Variants in ST8SIA1 observed in about 807,000 individuals in gnomAD.
ST8SIA1 encodes the protein ST8 alpha-N-acetyl-neuraminide alpha-2,8-sialyltransferase 1, also known as alpha-N-acetylneuraminide alpha-2,8-sialyltransferase.
Under a neutral mutation model 35.9 loss-of-function variants are expected in ST8SIA1, and 16 were observed. The ratio of observed to expected loss-of-function variants is 0.45; its 90% CI spans 0.30 to 0.68. The LOEUF is 0.68. ST8SIA1 is among the 30% of genes least tolerant of loss of function. The pLI is 0.09. For synonymous variants in ST8SIA1, 170 were observed against 169.6 expected (o/e 1.00, Z -0.02); for missense variants, 383 against 453.6 (o/e 0.84, Z 1.41).
intron 2 of ST8SIA1, among the ~76,000 whole-genome samples, chr12:22,261,037 T>C (rs1011926065): frequency 6.6e-6 from 1 of 150,508 alleles, no homozygotes; most frequent in Non-Finnish European, 1.5e-5. Context: ...CCACCATGCC[T>C]GGCTAATTTT....
intron 2 of ST8SIA1, among the ~76,000 whole-genome samples, chr12:22,273,432 A>G (rs1471747305): frequency 1.3e-5 from 2 of 152,182 alleles, no homozygotes; most frequent in Non-Finnish European, 2.9e-5. Context: ...CATATTGAGA[A>G]CTTTACTGCC....
At chr12:22,310,127 T>C (rs1160353300) in intron 1 of ST8SIA1, among the ~76,000 whole-genome samples, 3 of 152,178 alleles carry the variant, frequency 2.0e-5, no homozygotes, top group African/African-American at 4.8e-5. Flanking sequence ...TTCTCATTTA[T>C]AAAATAAGGA....
At chr12:22,229,054 CAA>C (rs11463657) in intron 4 of ST8SIA1, among the ~76,000 whole-genome samples, 43 of 101,906 alleles carry the variant, frequency 4.2e-4, no homozygotes, top group African/African-American at 1.4e-3. Context: ...ACTCCATCTC[CAA>C]AAAAAAAAAA....
At chr12:22,270,175 A>T (rs1222127252) in intron 2 of ST8SIA1, among the ~76,000 whole-genome samples, 7 of 152,316 alleles carry the variant, frequency 4.6e-5, no homozygotes, top group Admixed American at 2.6e-4. Flanking sequence ...ACTTGGAATC[A>T]CAGCATGGAA....
intron 2 of ST8SIA1, among the ~76,000 whole-genome samples, chr12:22,261,229 G>A (rs1865787566): frequency 2.0e-5 from 3 of 151,812 alleles, no homozygotes; most frequent in Non-Finnish European, 1.5e-5. Context: ...ACTGCAACCT[G>A]AGCCTCCTGG....
chr12:22,246,278 T>C (rs1304680594), intron 4 of ST8SIA1, among the ~76,000 whole-genome samples: 1 of 152,162 alleles, frequency 6.6e-6, no homozygotes, highest in Non-Finnish European at 1.5e-5. Context: ...GCAGAATTGA[T>C]TGCTTGCTTG....
At chr12:22,282,817 C>A (rs1354752903) in intron 2 of ST8SIA1, among the ~76,000 whole-genome samples, 1 of 151,708 alleles carries the variant, frequency 6.6e-6, no homozygotes, top group Non-Finnish European at 1.5e-5. Context: ...TCCTTCCAGC[C>A]AAAAAGATAT....
chr12:22,249,396 A>G (rs776410122), intron 3 of ST8SIA1, among the ~76,000 whole-genome samples: 9 of 151,334 alleles, frequency 5.9e-5, no homozygotes, highest in Admixed American at 2.0e-4. Flanking sequence ...TTTTTTTTGT[A>G]TTTTTAGTAG....
intron 1 of ST8SIA1, among the ~76,000 whole-genome samples, chr12:22,316,968 A>T (rs1866529527): frequency 6.6e-6 from 1 of 152,210 alleles, no homozygotes; most frequent in African/African-American, 2.4e-5. Context: ...AGATGACTTC[A>T]ATTGGAACAC....
intron 2 of ST8SIA1, among the ~76,000 whole-genome samples, chr12:22,278,471 A>C (rs1373699480): frequency 2.0e-5 from 3 of 152,224 alleles, no homozygotes; most frequent in African/African-American, 7.2e-5. Flanking sequence ...GGAAATTTAT[A>C]AATTATGGCT....
At chr12:22,233,879 C>A (rs1396278946) in intron 4 of ST8SIA1, among the ~76,000 whole-genome samples, 3 of 152,038 alleles carry the variant, frequency 2.0e-5, no homozygotes, top group African/African-American at 7.3e-5. Context: ...TCCAAATATT[C>A]CCTGTTTTAT....
chr12:22,305,260 A>T (rs1321973950), intron 1 of ST8SIA1, among the ~76,000 whole-genome samples: 1 of 152,236 alleles, frequency 6.6e-6, no homozygotes, highest in Non-Finnish European at 1.5e-5. Flanking sequence ...AGAAAAAAGG[A>T]TAGACTAGTC....
At chr12:22,219,962 C>T (rs1865279930) in intron 4 of ST8SIA1, among the ~76,000 whole-genome samples, 1 of 152,136 alleles carries the variant, frequency 6.6e-6, no homozygotes, top group South Asian at 2.1e-4. Context: ...CACTTGAGTA[C>T]CAGAGTATCA....
intron 1 of ST8SIA1, among the ~76,000 whole-genome samples, chr12:22,295,814 T>C (rs1866236664): frequency 6.6e-6 from 1 of 152,174 alleles, no homozygotes; most frequent in Non-Finnish European, 1.5e-5. Context: ...AACTAAACTA[T>C]GGCAAGGCTA....
intron 1 of ST8SIA1, among the ~76,000 whole-genome samples, chr12:22,314,361 C>T (rs570602731): frequency 1.3e-5 from 2 of 151,864 alleles, no homozygotes; most frequent in South Asian, 4.1e-4. Context: ...TAACCTCCTC[C>T]TCAACGTATG....
chr12:22,254,842 G>C (rs1865711963), intron 3 of ST8SIA1, among the ~76,000 whole-genome samples: 1 of 152,152 alleles, frequency 6.6e-6, no homozygotes, highest in South Asian at 2.1e-4. Context: ...TCCGTCTTCA[G>C]ATCCCACTTG....
chr12:22,325,771 T>C, intron 1 of ST8SIA1: 1 of 660,726 alleles, frequency 1.5e-6, no homozygotes, highest in Non-Finnish European at 2.7e-6. Flanking sequence ...TAACTAATAA[T>C]AAAATAGAAC....
At position 22,200,153 on chromosome 12, in the gene ST8SIA1, T is replaced by G. The variant is rs903822930; in HGVS notation, c.*1399A>C. 3 of 152,222 alleles carry G rather than the reference T, an allele frequency of 2.0e-5. No individual in the cohort carries two copies. The highest frequency in any genetic ancestry group is 7.2e-5 in the African/African-American group (3 of 41,472). The allele number at this position is 152,222 out of a possible 1,614,324, so 9.4% of individuals were successfully genotyped here. A position where few individuals can be genotyped will look rare whatever the true frequency, so the allele number is the denominator to read the frequency against. ...CAACAGCAAGCCCATTCATGAGATT[T>G]TGGGTAAAATCAGGATGAGTAAGAC... On this transcript the variant is annotated 3_prime_UTR_variant, in exon 5 of 5. Transcript: ENST00000396037.
rs767935325 is a variant in ST8SIA1, at chr12:22,333,835, C to T, written c.236+162G>A. The T allele has an allele frequency of 1.6e-5, 13 of 797,190 alleles. No individual in the cohort carries two copies. In the African/African-American group the frequency reaches 2.0e-4, roughly 12 times the overall value. The allele number at this position is 797,190 out of a possible 1,614,324, so 49.4% of individuals were successfully genotyped here. A position where few individuals can be genotyped will look rare whatever the true frequency, so the allele number is the denominator to read the frequency against. ...GTGGGGAAGGAACCCTGACTAAAGT[C>T]TCCAGGTTGGGAATGGCACAAATGG... On this transcript the variant is annotated intron_variant, in intron 1 of 4. Coordinates refer to ENST00000396037, the MANE Select transcript of ST8SIA1 (RefSeq NM_003034.4).
Sources: allele counts gnomAD v4.1 joint callset (sites outside exome capture counted in the v4.1 genomes callset), GRCh38; gene constraint gnomAD v4.1.1; transcripts MANE v1.5; gene names NCBI Gene and HGNC (gene_info 2026-07-23, HGNC 2026-07-21).